SOX5: variants seen among roughly 807,000 people sequenced by gnomAD.
The protein encoded by SOX5 is SRY-box transcription factor 5.
Under a neutral mutation model 92.0 loss-of-function variants are expected in SOX5, and 9 were observed. The observed-to-expected ratio is 0.10, with a 90% CI of 0.06 to 0.17. The LOEUF is 0.17. Ranked by LOEUF, SOX5 falls within the 10% of genes least tolerant of loss-of-function variation. The pLI, the probability that SOX5 is intolerant of heterozygous loss-of-function variation, is 1.00. For missense variants in SOX5, 642 were observed against 944.5 expected (o/e 0.68, Z 4.20); for synonymous variants, 344 against 336.3 (o/e 1.02, Z -0.25).
At chr12:23,773,417 G>A (rs2094997915) in intron 3 of SOX5, among the ~76,000 whole-genome samples, 1 of 152,118 alleles carries the variant, frequency 6.6e-6, no homozygotes, top group South Asian at 2.1e-4. Context: ...TGTCACCCAG[G>A]CTGGAGTGCA....
chr12:23,687,030 T>TTAC (rs1299720048), intron 6 of SOX5, among the ~76,000 whole-genome samples: 2 of 152,074 alleles, frequency 1.3e-5, no homozygotes, highest in Non-Finnish European at 2.9e-5. Context: ...AAGATTTATT[T>TTAC]TACTATTTGG....
chr12:23,799,602 AT>A (rs2095626140), intron 3 of SOX5, among the ~76,000 whole-genome samples: 1 of 152,098 alleles, frequency 6.6e-6, no homozygotes, highest in African/African-American at 2.4e-5. Context: ...TCCAAGAGAA[AT>A]TTATACTAGA....
intron 7 of SOX5, among the ~76,000 whole-genome samples, chr12:23,643,189 TGGTAAA>T (rs1354716664): frequency 6.6e-6 from 1 of 151,912 alleles, no homozygotes; most frequent in South Asian, 2.1e-4. Context: ...ATGGTATAAC[TGGTAAA>T]ACCTAATGAC....
chr12:23,896,788 T>C (rs1165104642), intron 1 of SOX5, among the ~76,000 whole-genome samples: 2 of 150,926 alleles, frequency 1.3e-5, no homozygotes, highest in Non-Finnish European at 3.0e-5. Flanking sequence ...ATGATTTAGA[T>C]GTGAATAATT....
intron 4 of SOX5, among the ~76,000 whole-genome samples, chr12:24,103,011 G>A (rs1046653486): frequency 6.6e-6 from 1 of 152,168 alleles, no homozygotes; most frequent in Non-Finnish European, 1.5e-5. Flanking sequence ...TGACTAATAG[G>A]CCTAGCTAAC....
chr12:23,726,374 C>T (rs1446987310), intron 6 of SOX5, among the ~76,000 whole-genome samples: 1 of 152,052 alleles, frequency 6.6e-6, no homozygotes, highest in Admixed American at 6.6e-5. Context: ...ATTTCAATGG[C>T]ATTTATTTTT....
At chr12:23,884,280 C>G (rs181515514) in intron 2 of SOX5, among the ~76,000 whole-genome samples, 6 of 152,118 alleles carry the variant, frequency 3.9e-5, no homozygotes, top group African/African-American at 1.4e-4. Context: ...AGATATCAAA[C>G]GGATCTTGGA....
chr12:24,025,810 C>A (rs182583234), intron 4 of SOX5, among the ~76,000 whole-genome samples: 2 of 152,042 alleles, frequency 1.3e-5, no homozygotes, highest in African/African-American at 4.8e-5. Context: ...TCATTTGTGA[C>A]CATCCAATGT....
intron 4 of SOX5, among the ~76,000 whole-genome samples, chr12:24,128,118 C>T (rs1949290737): frequency 6.6e-6 from 1 of 152,158 alleles, no homozygotes; most frequent in Admixed American, 6.5e-5. Flanking sequence ...TCGGTCTCAC[C>T]TTAATAAACT....
chr12:23,645,600 A>G (rs1001098681), intron 7 of SOX5, among the ~76,000 whole-genome samples: 5 of 152,208 alleles, frequency 3.3e-5, no homozygotes, highest in Admixed American at 2.6e-4. Context: ...ACACTTTTGC[A>G]TTACTTGCAT....
chr12:24,023,616 T>C (rs1954555992), intron 4 of SOX5, among the ~76,000 whole-genome samples: 1 of 152,132 alleles, frequency 6.6e-6, no homozygotes, highest in Non-Finnish European at 1.5e-5. Flanking sequence ...AGTTTTGACA[T>C]TGGCACAGGT....
intron 7 of SOX5, among the ~76,000 whole-genome samples, chr12:23,642,719 G>A (rs2080235245): frequency 6.6e-6 from 1 of 152,156 alleles, no homozygotes; most frequent in African/African-American, 2.4e-5. Flanking sequence ...GAAAACAGAT[G>A]GGTTGAGTAA....
At chr12:23,701,339 CT>C (rs1219300651) in intron 6 of SOX5, among the ~76,000 whole-genome samples, 1 of 151,416 alleles carries the variant, frequency 6.6e-6, no homozygotes, top group Non-Finnish European at 1.5e-5. Flanking sequence ...AATTGGAATT[CT>C]GAGGTTTCTT....
intron 3 of SOX5, among the ~76,000 whole-genome samples, chr12:24,229,225 C>A (rs965200969): frequency 1.3e-5 from 2 of 152,240 alleles, no homozygotes; most frequent in Non-Finnish European, 2.9e-5. Flanking sequence ...ACTTTAACAA[C>A]AGTAAAACAA....
intron 4 of SOX5, among the ~76,000 whole-genome samples, chr12:24,114,814 T>C (rs1329970826): frequency 6.6e-6 from 1 of 151,874 alleles, no homozygotes; most frequent in African/African-American, 2.4e-5. Context: ...TGCATGCCTA[T>C]AGTCCTAGCT....
intron 10 of SOX5, among the ~76,000 whole-genome samples, chr12:23,574,220 T>C (rs1159620302): frequency 6.6e-6 from 1 of 152,108 alleles, no homozygotes; most frequent in East Asian, 1.9e-4. Context: ...GGTGGACTTA[T>C]TTGCTCTCCT....
intron 4 of SOX5, among the ~76,000 whole-genome samples, chr12:23,749,964 A>C (rs2094132878): frequency 6.6e-6 from 1 of 150,958 alleles, no homozygotes; most frequent in South Asian, 2.1e-4. Flanking sequence ...TACAAAACTG[A>C]GTGTGTGTGT....
intron 1 of SOX5, among the ~76,000 whole-genome samples, chr12:24,545,669 G>C (rs571065797): frequency 1.3e-5 from 2 of 152,336 alleles, no homozygotes; most frequent in African/African-American, 2.4e-5. Flanking sequence ...TTATCAGAAA[G>C]GTTGTTTGTA....
At chr12:24,104,159 A>G (rs778282464) in intron 4 of SOX5, among the ~76,000 whole-genome samples, 57 of 152,240 alleles carry the variant, frequency 3.7e-4, no homozygotes, top group Non-Finnish European at 7.1e-4. Flanking sequence ...CATGCAAGCA[A>G]GAAAGTTTAT....
Sources: gnomAD v4.1 joint callset for allele counts (sites outside exome capture counted in the v4.1 genomes callset) on GRCh38, gnomAD v4.1.1 for gene constraint, MANE v1.5 for transcripts, NCBI Gene and HGNC (gene_info 2026-07-23, HGNC 2026-07-21) for gene names.